The following PALM2AKAP2 variants were observed in gnomAD, a reference collection of about 807,000 sequenced individuals.
The protein encoded by PALM2AKAP2 is PALM2-AKAP2 fusion protein.
A neutral mutation model predicts 71.5 loss-of-function variants in PALM2AKAP2; 37 were observed. The ratio of observed to expected loss-of-function variants is 0.52; its 90% CI spans 0.40 to 0.68. PALM2AKAP2 has a LOEUF of 0.68. PALM2AKAP2 is among the 30% of genes least tolerant of loss of function. The pLI is 0.00. For missense variants in PALM2AKAP2, 1,224 were observed against 1,191.8 expected (o/e 1.03, Z -0.40); for synonymous variants, 468 against 478.8 (o/e 0.98, Z 0.29).
intron 1 of PALM2AKAP2, among the ~76,000 whole-genome samples, chr9:109,822,764 A>G (rs1167821734): frequency 1.3e-5 from 2 of 152,078 alleles, no homozygotes; most frequent in South Asian, 2.1e-4. Context: ...ATTGATGTCC[A>G]CCATTGATGG....
intron 1 of PALM2AKAP2, among the ~76,000 whole-genome samples, chr9:110,114,470 C>T (rs1220562318): frequency 6.6e-6 from 1 of 152,150 alleles, no homozygotes; most frequent in Non-Finnish European, 1.5e-5. Context: ...GGGCGGGGCA[C>T]TATTTGACTC....
intron 1 of PALM2AKAP2, among the ~76,000 whole-genome samples, chr9:109,794,104 A>G (rs1218704403): frequency 1.3e-5 from 2 of 152,210 alleles, no homozygotes; most frequent in Non-Finnish European, 2.9e-5. Context: ...ACAGTCCAGA[A>G]CAATAAAGCA....
At chr9:109,942,593 C>A (rs561838840) in intron 6 of PALM2AKAP2, 3 of 1,415,712 alleles carry the variant, frequency 2.1e-6, no homozygotes, top group Non-Finnish European at 2.8e-6. Flanking sequence ...ATAGAAAGGG[C>A]ACAAAACCTT....
chr9:109,865,947 G>A (rs1829438030), intron 1 of PALM2AKAP2, among the ~76,000 whole-genome samples: 1 of 152,098 alleles, frequency 6.6e-6, no homozygotes, highest in African/African-American at 2.4e-5. Flanking sequence ...TATATTTTAT[G>A]GTCTTGCACA....
At chr9:109,683,299 G>C (rs1047664637) in intron 1 of PALM2AKAP2, among the ~76,000 whole-genome samples, 1 of 152,134 alleles carries the variant, frequency 6.6e-6, no homozygotes, top group Non-Finnish European at 1.5e-5. Context: ...GATTAATACA[G>C]ATCTTGAGAT....
intron 6 of PALM2AKAP2, among the ~76,000 whole-genome samples, chr9:110,015,339 A>G (rs1171189408): frequency 6.6e-6 from 1 of 152,202 alleles, no homozygotes; most frequent in Non-Finnish European, 1.5e-5. Context: ...GGTGGCTTAC[A>G]CCTGTAATCC....
At position 109,947,062 on chromosome 9, in the gene PALM2AKAP2, T is replaced by TG. The variant is rs547922160; in HGVS notation, c.496+15038dup. 9.7e-4 allele frequency among the ~76,000 whole-genome samples: 147 copies of TG among 152,326 alleles called. 1 individual carries two copies. Among genetic ancestry groups the TG allele is most frequent in the South Asian group, 7.3e-3 (35 of 4,824 alleles). On this transcript the variant is annotated intron_variant, in intron 6 of 9. Coordinates refer to the PALM2AKAP2 transcript ENST00000302798. ...CAGTGACATCATTTAATATTGGTGA[T>TG]GGGGTGGAAGAGAAGGTAGGGAATG...
chr9:109,686,498 T>C (rs1827807273), intron 1 of PALM2AKAP2, among the ~76,000 whole-genome samples: 1 of 152,218 alleles, frequency 6.6e-6, no homozygotes, highest in Non-Finnish European at 1.5e-5. Context: ...CAAGGAACAG[T>C]AATATTTTGA....
chr9:109,796,975 G>A (rs1231718387), intron 1 of PALM2AKAP2, among the ~76,000 whole-genome samples: 1 of 152,110 alleles, frequency 6.6e-6, no homozygotes, highest in African/African-American at 2.4e-5. Flanking sequence ...TTAGCTAGGG[G>A]GTGGTAAAAA....
rs142028936 is a variant in PALM2AKAP2 at position 109,696,923 on chromosome 9, G to C, written c.5+56057G>C. On this transcript the variant is annotated intron_variant, in intron 1 of 6. Coordinates refer to the PALM2AKAP2 transcript ENST00000374531. ...GTACAAAAACTCAAAATGTTTTCCT[G>C]CTGCCATGCATGCTCCAGTGCTCCC... 1.2e-3 allele frequency among the ~76,000 whole-genome samples: 178 copies of C among 152,222 alleles called. 1 individual carries two copies. The highest frequency in any genetic ancestry group is 4.0e-3 in the African/African-American group (166 of 41,534).
chr9:109,830,865 C>G (rs1828280263), intron 1 of PALM2AKAP2, among the ~76,000 whole-genome samples: 1 of 152,134 alleles, frequency 6.6e-6, no homozygotes, highest in South Asian at 2.1e-4. Flanking sequence ...ACACTAGAAT[C>G]CAGGCCTGAC....
chr9:109,858,413 C>A (rs1386645868), intron 1 of PALM2AKAP2, among the ~76,000 whole-genome samples: 1 of 152,178 alleles, frequency 6.6e-6, no homozygotes, highest in Admixed American at 6.5e-5. Context: ...CTCCTTAGCA[C>A]TGTGGAATGT....
At chr9:109,716,606 G>A (rs1828324333) in intron 1 of PALM2AKAP2, among the ~76,000 whole-genome samples, 1 of 152,200 alleles carries the variant, frequency 6.6e-6, no homozygotes. Flanking sequence ...TCCTTCCAAG[G>A]AGGAAACCAG....
chr9:109,844,741 A>C (rs1459480494), intron 1 of PALM2AKAP2, among the ~76,000 whole-genome samples: 1 of 152,172 alleles, frequency 6.6e-6, no homozygotes, highest in East Asian at 1.9e-4. Flanking sequence ...CCCTTGCTGC[A>C]CACCCCCTGC....
At chr9:110,028,088 G>T (rs1833214775) in intron 7 of PALM2AKAP2, among the ~76,000 whole-genome samples, 1 of 152,136 alleles carries the variant, frequency 6.6e-6, no homozygotes, top group African/African-American at 2.4e-5. Context: ...TGGTGAGTAG[G>T]AGGCATATCG....
chr9:110,100,487 C>A (rs1015385157), intron 1 of PALM2AKAP2, among the ~76,000 whole-genome samples: 2 of 152,072 alleles, frequency 1.3e-5, no homozygotes, highest in African/African-American at 2.4e-5. Context: ...TCCCTTCCCC[C>A]ACAAAGGCCT....
At chr9:109,802,022 A>G (rs1274722673) in intron 1 of PALM2AKAP2, among the ~76,000 whole-genome samples, 2 of 152,224 alleles carry the variant, frequency 1.3e-5, no homozygotes, top group African/African-American at 4.8e-5. Flanking sequence ...TGAACAACCC[A>G]AATGAACAAC....
At position 109,929,186 on chromosome 9, in the gene PALM2AKAP2, TC is replaced by T. The variant is rs200562107; in HGVS notation, c.395-2740del. Among the ~76,000 whole-genome samples, 383 of 151,374 alleles carry T rather than the reference TC, an allele frequency of 2.5e-3. 1 individual carries two copies. Among genetic ancestry groups the T allele is most frequent in the South Asian group, 4.2e-3 (20 of 4,758 alleles). ...TGTAAGTAGTTTTTTTTTTTTTGTT[TC>T]TTTTTTAAACTGCTAAAACATTGAG... is the stretch of plus-strand genomic sequence containing the variant. On this transcript the variant is annotated intron_variant, in intron 5 of 9. Transcript: ENST00000302798.
At chr9:109,827,424 T>C (rs1249207212) in intron 1 of PALM2AKAP2, among the ~76,000 whole-genome samples, 2 of 151,922 alleles carry the variant, frequency 1.3e-5, no homozygotes, top group East Asian at 3.9e-4. Context: ...GCCTCCCCAA[T>C]ATGGTGAAAC....
Sources: gnomAD v4.1 joint callset for allele counts (sites outside exome capture counted in the v4.1 genomes callset) on GRCh38, gnomAD v4.1.1 for gene constraint, MANE v1.5 for transcripts, NCBI Gene and HGNC (gene_info 2026-07-23, HGNC 2026-07-21) for gene names.